Variants in IL1RAPL2 observed in about 807,000 individuals in gnomAD.
IL1RAPL2 encodes X-linked interleukin-1 receptor accessory protein-like 2.
In IL1RAPL2, 3 loss-of-function variants were observed where a neutral mutation model predicts 44.1. That is an observed-to-expected ratio of 0.07 (90% CI 0.03 to 0.18). IL1RAPL2 has a LOEUF of 0.18. IL1RAPL2 is among the 10% of genes least tolerant of loss of function. The pLI is 1.00. For synonymous variants in IL1RAPL2, 181 were observed against 178.8 expected, an observed-to-expected ratio of 1.01 and a Z score of -0.10; for missense variants, 391 against 496.4, an observed-to-expected ratio of 0.79 and a Z score of 2.02.
intron 1 of IL1RAPL2, among the ~76,000 whole-genome samples, chrX:104,616,512 T>C (rs1368072984): frequency 8.9e-6 from 1 of 112,309 alleles, no homozygotes; most frequent in Non-Finnish European, 1.9e-5. Flanking sequence ...TTAGAAATTA[T>C]GGTTTGAAAG....
chrX:104,918,715 T>G (rs779131334), intron 2 of IL1RAPL2, among the ~76,000 whole-genome samples: 1 of 112,080 alleles, frequency 8.9e-6, no homozygotes, highest in Admixed American at 9.5e-5. Flanking sequence ...TGAAATAAAA[T>G]TAATAGAGGA....
intron 6 of IL1RAPL2, among the ~76,000 whole-genome samples, chrX:105,636,468 C>A (rs946588098): frequency 9.0e-6 from 1 of 111,611 alleles, no homozygotes. Context: ...TGTTTTATCT[C>A]TCTGATAGTT....
intron 2 of IL1RAPL2, among the ~76,000 whole-genome samples, chrX:104,685,063 C>A (rs1004887072): frequency 8.9e-6 from 1 of 112,136 alleles, no homozygotes; most frequent in Non-Finnish European, 1.9e-5. Flanking sequence ...GTAGATTATA[C>A]GTAGAGTTAA....
chrX:104,950,074 CA>C (rs1363661200), intron 2 of IL1RAPL2, among the ~76,000 whole-genome samples: 5 of 110,996 alleles, frequency 4.5e-5, no homozygotes, highest in Admixed American at 9.6e-5. Flanking sequence ...GTAGGTCACT[CA>C]AGGACTTGCT....
At chrX:105,494,876 A>G (rs963025752) in intron 6 of IL1RAPL2, among the ~76,000 whole-genome samples, 3 of 112,126 alleles carry the variant, frequency 2.7e-5, no homozygotes, top group Non-Finnish European at 5.6e-5. Flanking sequence ...AGGACAAGGC[A>G]GGAGATCTGG....
intron 2 of IL1RAPL2, among the ~76,000 whole-genome samples, chrX:104,949,029 C>T (rs1286870118): frequency 9.1e-6 from 1 of 110,185 alleles, no homozygotes; most frequent in Non-Finnish European, 1.9e-5. Flanking sequence ...TAGAATTCAG[C>T]TGTGAATCCA....
chrX:104,769,028 T>C (rs868732695), intron 2 of IL1RAPL2, among the ~76,000 whole-genome samples: 4 of 111,255 alleles, frequency 3.6e-5, no homozygotes, highest in African/African-American at 1.3e-4. Flanking sequence ...TTGTGTGACA[T>C]TGGCAAGTGG....
At chrX:105,553,047 A>G (rs1480762875) in intron 6 of IL1RAPL2, among the ~76,000 whole-genome samples, 1 of 112,204 alleles carries the variant, frequency 8.9e-6, no homozygotes, top group East Asian at 2.8e-4. Flanking sequence ...TTTAACTAGA[A>G]TTTCCTAGTA....
chrX:105,725,061 C>G (rs1181884851), intron 7 of IL1RAPL2, among the ~76,000 whole-genome samples: 1 of 111,382 alleles, frequency 9.0e-6, no homozygotes, highest in Non-Finnish European at 1.9e-5. Context: ...AAAATTGAAC[C>G]AGTCCTATTA....
intron 5 of IL1RAPL2, among the ~76,000 whole-genome samples, chrX:105,377,219 T>A (rs112420948): frequency 9.0e-6 from 1 of 111,619 alleles, no homozygotes; most frequent in Non-Finnish European, 1.9e-5. Flanking sequence ...TCGTAATGTG[T>A]TTTAGAGATT....
At chrX:105,502,399 T>C (rs1396651004) in intron 6 of IL1RAPL2, among the ~76,000 whole-genome samples, 1 of 111,829 alleles carries the variant, frequency 8.9e-6, no homozygotes, top group Non-Finnish European at 1.9e-5. Context: ...TTAATGTACT[T>C]CTTAAAATAT....
chrX:104,868,396 C>T (rs1922675769), intron 2 of IL1RAPL2, among the ~76,000 whole-genome samples: 1 of 111,883 alleles, frequency 8.9e-6, no homozygotes, highest in East Asian at 2.8e-4. Flanking sequence ...CACTCTCCCT[C>T]TTTAGGGTAT....
chrX:104,701,876 T>C lies in IL1RAPL2; in HGVS notation c.82+42881T>C, dbSNP rs752233100. 4.3e-4 allele frequency among the ~76,000 whole-genome samples: 48 copies of C among 112,062 alleles called. 1 individual carries two copies. The highest frequency in any genetic ancestry group is 4.7e-3 in the Middle Eastern group (1 of 215). ...ATGAAATTTTATGGTAAGTATGCAG[T>C]GTTACATTAATATACAACTAATGTC... is the stretch of plus-strand genomic sequence containing the variant. On this transcript the variant is annotated intron_variant, in intron 2 of 10. Coordinates refer to ENST00000372582, the MANE Select transcript of IL1RAPL2 (RefSeq NM_017416.2).
intron 2 of IL1RAPL2, among the ~76,000 whole-genome samples, chrX:104,846,343 C>A (rs914266941): frequency 9.1e-6 from 1 of 109,896 alleles, no homozygotes; most frequent in African/African-American, 3.3e-5. Context: ...CTATCCCTCC[C>A]CCCTCTCCCC....
intron 2 of IL1RAPL2, among the ~76,000 whole-genome samples, chrX:104,903,620 CA>C (rs1198027115): frequency 9.0e-6 from 1 of 110,948 alleles, no homozygotes; most frequent in African/African-American, 3.3e-5. Context: ...CTCTGTTGCC[CA>C]GGCTGGAGTG....
At chrX:105,619,300 ATT>A (rs2037403205) in intron 6 of IL1RAPL2, among the ~76,000 whole-genome samples, 1 of 110,249 alleles carries the variant, frequency 9.1e-6, no homozygotes, top group South Asian at 3.9e-4. Context: ...GATTATGCGG[ATT>A]TGAGTCCATG....
At chrX:105,461,877 T>C (rs375606557) in intron 5 of IL1RAPL2, among the ~76,000 whole-genome samples, 1 of 111,063 alleles carries the variant, frequency 9.0e-6, no homozygotes, top group Admixed American at 9.6e-5. Context: ...TGTGTGTAAA[T>C]GTGTATAGGA....
chrX:105,212,982 A>G (rs1304361524), intron 3 of IL1RAPL2, among the ~76,000 whole-genome samples: 1 of 111,907 alleles, frequency 8.9e-6, no homozygotes, highest in Non-Finnish European at 1.9e-5. Context: ...AAAGTTATCA[A>G]CCTCAAAGAT....
chrX:105,051,870 G>C (rs1233498820), intron 2 of IL1RAPL2, among the ~76,000 whole-genome samples: 1 of 112,349 alleles, frequency 8.9e-6, no homozygotes, highest in African/African-American at 3.2e-5. Flanking sequence ...CCTGTTGAGG[G>C]TGGAGGATGA....
Sources: allele counts gnomAD v4.1 joint callset (sites outside exome capture counted in the v4.1 genomes callset), GRCh38; gene constraint gnomAD v4.1.1; transcripts MANE v1.5; gene names NCBI Gene and HGNC (gene_info 2026-07-23, HGNC 2026-07-21).